Variants in IL17B observed in about 807,000 individuals in gnomAD.
IL17B encodes interleukin 17B, also known as interleukin-17B.
A neutral mutation model predicts 14.7 loss-of-function variants in IL17B; 14 were observed. The ratio of observed to expected loss-of-function variants is 0.95; its 90% CI spans 0.63 to 1.49. IL17B has a LOEUF of 1.49. IL17B is among the 40% of genes most tolerant of loss of function. The probability of loss-of-function intolerance (pLI) is 0.00; values close to 1 mark genes in which losing one functional copy is unlikely to be tolerated. For synonymous variants in IL17B, 105 were observed against 94.8 expected (o/e 1.11, Z -0.62); for missense variants, 233 against 252.8 (o/e 0.92, Z 0.53).
chr5:149,387,101 C>T (rs1044124135), intron 1 of IL17B, among the ~76,000 whole-genome samples: 3 of 150,866 alleles, frequency 2.0e-5, no homozygotes, highest in Non-Finnish European at 4.4e-5. Flanking sequence ...CTGGGCCCCT[C>T]TCCTCTCAGT....
rs1157679564 is a variant in IL17B, at chr5:149,377,041, A to G, written c.22-16T>C. The stretch of plus-strand genomic sequence containing the variant: ...GAAGAAACAGCTGGGGAGGAAAGCC[A>G]CAGGTCAAAGGTGGGAGAGCCAAGT... On this transcript the variant is annotated splice_polypyrimidine_tract_variant and intron_variant, in intron 1 of 2. Coordinates refer to ENST00000261796, the MANE Select transcript of IL17B (RefSeq NM_014443.3). 2 of 1,531,558 alleles carry G rather than the reference A, an allele frequency of 1.3e-6. No individual in the cohort carries two copies. The highest frequency in any genetic ancestry group is 2.3e-5 in the East Asian group (1 of 44,358). 94.9% of individuals were successfully genotyped at this position (1,531,558 alleles called of 1,614,324 possible).
Position 149,376,845 on chromosome 5 carries a change from C to T in IL17B, c.202G>A (p.Glu68Lys). The change falls in exon 2 of 3, where the codon GAG becomes AAG. Residue 68 changes from glutamate (E) to lysine (K), a missense_variant. By Grantham distance (56) the Glu-to-Lys change is moderately conservative. Coordinates refer to ENST00000261796, the MANE Select transcript of IL17B (RefSeq NM_014443.3). Reference sequence around the variant, plus strand: ...CTGTTCCTCAGCTGGGCCACCATCTCCTCGATGTTCCTCTCATACTCCTCC... The same window carrying T: ...CTGTTCCTCAGCTGGGCCACCATCTTCTCGATGTTCCTCTCATACTCCTCC... ...RMEEYERNIEEMVAQLRNSSE... is the reference protein window; with the variant it reads ...RMEEYERNIEKMVAQLRNSSE... 6.2e-7 allele frequency: 1 copy of T among 1,614,190 alleles called. No homozygotes were observed. Among genetic ancestry groups the T allele is most frequent in the Non-Finnish European group, 8.5e-7 (1 of 1,180,028 alleles).
intron 1 of IL17B, among the ~76,000 whole-genome samples, 200 bp downstream of exon 1, chr5:149,379,004 GC>G (rs1158830128): frequency 6.6e-6 from 1 of 152,222 alleles, no homozygotes; most frequent in Non-Finnish European, 1.5e-5. Flanking sequence ...CCCCGGCTGA[GC>G]CCCGTTCAGG....
chr5:149,383,573 A>C (rs1000769893), upstream of IL17B, among the ~76,000 whole-genome samples: 4 of 152,246 alleles, frequency 2.6e-5, no homozygotes, highest in African/African-American at 9.6e-5. Flanking sequence ...CCCTGGTAGG[A>C]GTCCTTCTCC....
chr5:149,380,831 C>T (rs1307155669), upstream of IL17B, among the ~76,000 whole-genome samples: 1 of 152,230 alleles, frequency 6.6e-6, no homozygotes, highest in Non-Finnish European at 1.5e-5. Flanking sequence ...GGCAGGCTTC[C>T]ACAGCATAAC....
intron 1 of IL17B, among the ~76,000 whole-genome samples, chr5:149,401,379 A>T (rs1190417622): frequency 6.6e-6 from 1 of 152,236 alleles, no homozygotes; most frequent in Admixed American, 6.5e-5. Context: ...AAACAAAGTA[A>T]GCTGTCAAGG....
intron 1 of IL17B, among the ~76,000 whole-genome samples, chr5:149,399,814 A>C (rs982486655): frequency 6.6e-6 from 1 of 152,224 alleles, no homozygotes; most frequent in Non-Finnish European, 1.5e-5. Flanking sequence ...TGCCAGCTGC[A>C]AAATGACCAG....
intron 2 of IL17B, among the ~76,000 whole-genome samples, chr5:149,375,596 A>C (rs1041156348): frequency 2.0e-5 from 3 of 152,158 alleles, no homozygotes; most frequent in Admixed American, 6.5e-5. Context: ...TCATGTGTCA[A>C]ATTAATCGGG....
intron 1 of IL17B, among the ~76,000 whole-genome samples, chr5:149,396,266 A>G (rs988908447): frequency 6.6e-6 from 1 of 152,260 alleles, no homozygotes; most frequent in Non-Finnish European, 1.5e-5. Flanking sequence ...TCCAGTCATT[A>G]ATATACACAT....
chr5:149,378,354 C>T (rs1431242895), intron 1 of IL17B, among the ~76,000 whole-genome samples: 1 of 152,126 alleles, frequency 6.6e-6, no homozygotes, highest in Non-Finnish European at 1.5e-5. Flanking sequence ...CATTGCCATC[C>T]ACTTCTCCCT....
intron 1 of IL17B, among the ~76,000 whole-genome samples, chr5:149,397,656 T>C (rs1049283954): frequency 5.3e-5 from 8 of 152,146 alleles, no homozygotes; most frequent in Non-Finnish European, 7.3e-5. Flanking sequence ...ATAGAACCCG[T>C]TGGATGCGCA....
intron 2 of IL17B, among the ~76,000 whole-genome samples, chr5:149,375,509 C>T (rs570897902): frequency 3.5e-4 from 54 of 152,278 alleles, no homozygotes; most frequent in African/African-American, 1.1e-3. Context: ...TGAAAAGCTC[C>T]GTTCTGGAGG....
intron 2 of IL17B, among the ~76,000 whole-genome samples, chr5:149,376,335 A>G (rs1366123382): frequency 6.6e-6 from 1 of 152,208 alleles, no homozygotes; most frequent in African/African-American, 2.4e-5. Context: ...CGGCACTGGG[A>G]AGGCCCAGGT....
At chr5:149,379,426 G>T, upstream of IL17B, 1 of 624,642 alleles carries the variant, frequency 1.6e-6, no homozygotes, top group Non-Finnish European at 2.8e-6. Context: ...AGGCGGTGAG[G>T]GGCGTGGGGG....
At chr5:149,396,589 C>CTACAAAAAA (rs1020409268) in intron 1 of IL17B, among the ~76,000 whole-genome samples, 3 of 152,198 alleles carry the variant, frequency 2.0e-5, no homozygotes, top group East Asian at 1.9e-4. Flanking sequence ...AATCCCATCT[C>CTACAAAAAA]TACAAAAAAT....
At chr5:149,383,385 A>G (rs1451793908), upstream of IL17B, among the ~76,000 whole-genome samples, 1 of 152,238 alleles carries the variant, frequency 6.6e-6, no homozygotes, top group African/African-American at 2.4e-5. Context: ...GGCCCACCCT[A>G]GAGCGTTGGC....
At chr5:149,399,249 G>A (rs1243749730) in intron 1 of IL17B, among the ~76,000 whole-genome samples, 1 of 152,170 alleles carries the variant, frequency 6.6e-6, no homozygotes, top group Non-Finnish European at 1.5e-5. Context: ...TGGGCAGAGA[G>A]TAGCAACCCT....
At chr5:149,402,979 G>A (rs1454609843) in intron 1 of IL17B, among the ~76,000 whole-genome samples, 1 of 144,526 alleles carries the variant, frequency 6.9e-6, no homozygotes, top group East Asian at 2.0e-4. Context: ...CTCCAGCCTG[G>A]GTTACACAGT....
chr5:149,378,181 T>A (rs184022157), intron 1 of IL17B, among the ~76,000 whole-genome samples: 1 of 152,160 alleles, frequency 6.6e-6, no homozygotes, highest in African/African-American at 2.4e-5. Flanking sequence ...TCGAATGGAA[T>A]GTTGATTAAG....
Sources: allele counts gnomAD v4.1 joint callset (sites outside exome capture counted in the v4.1 genomes callset), GRCh38; gene constraint gnomAD v4.1.1; transcripts MANE v1.5; gene names NCBI Gene and HGNC (gene_info 2026-07-23, HGNC 2026-07-21).